OSBPL10: variants seen among roughly 807,000 people sequenced by gnomAD.
The protein encoded by OSBPL10 is oxysterol binding protein like 10.
Under a neutral mutation model 81.7 loss-of-function variants are expected in OSBPL10, and 49 were observed. The observed-to-expected ratio is 0.60, with a 90% CI of 0.48 to 0.76. The LOEUF is 0.76. Ranked by LOEUF, OSBPL10 falls within the 30% of genes least tolerant of loss-of-function variation. The probability of loss-of-function intolerance (pLI) is 0.00; values close to 1 mark genes in which losing one functional copy is unlikely to be tolerated. For synonymous variants in OSBPL10, 419 were observed against 383.6 expected (o/e 1.09, Z -1.08); for missense variants, 923 against 987.8 (o/e 0.93, Z 0.88).
At chr3:31,912,328 A>C (rs1696603871) in intron 1 of OSBPL10, among the ~76,000 whole-genome samples, 1 of 150,528 alleles carries the variant, frequency 6.6e-6, no homozygotes, top group East Asian at 2.0e-4. Flanking sequence ...CAGGAGGCAG[A>C]GGTTGCAGTG....
chr3:32,064,869 GT>G lies in OSBPL10; in HGVS notation n.185+12526del, dbSNP rs1159922976. 4 of 92,668 alleles carry G rather than the reference GT, an allele frequency of 4.3e-5. 1 individual carries two copies. Among genetic ancestry groups the G allele is most frequent in the South Asian group, 4.2e-4 (1 of 2,382 alleles). 5.7% of individuals were successfully genotyped at this position (92,668 alleles called of 1,614,324 possible). On this transcript the variant is annotated intron_variant and non_coding_transcript_variant, in intron 1 of 3. Transcript: ENST00000479173. ...TTCCTAGATACATGTGTGTTTTTTT[GT>G]TTTTTTCCCCCTTTCTCTTAGGCAT...
At chr3:31,723,616 A>AC (rs945479847) in intron 6 of OSBPL10, among the ~76,000 whole-genome samples, 1 of 152,008 alleles carries the variant, frequency 6.6e-6, no homozygotes, top group Non-Finnish European at 1.5e-5. Context: ...TACCAAAAAA[A>AC]ATTTTAAATT....
intron 1 of OSBPL10, among the ~76,000 whole-genome samples, chr3:32,071,096 C>T (rs1256703348): frequency 6.6e-6 from 1 of 152,198 alleles, no homozygotes; most frequent in Non-Finnish European, 1.5e-5. Context: ...TACCCTCCTG[C>T]TCCTTCAACA....
intron 4 of OSBPL10, among the ~76,000 whole-genome samples, chr3:31,775,434 G>A (rs141194196): frequency 9.2e-5 from 14 of 152,228 alleles, no homozygotes; most frequent in African/African-American, 3.4e-4. Flanking sequence ...GCCACCTGGA[G>A]AAACCTAGGA....
chr3:32,004,754 C>T (rs966001084), intron 2 of OSBPL10, among the ~76,000 whole-genome samples: 2 of 152,114 alleles, frequency 1.3e-5, no homozygotes, highest in East Asian at 3.9e-4. Flanking sequence ...CAGACACATG[C>T]GCAGTTATTT....
chr3:31,913,087 T>C (rs1326536005), intron 1 of OSBPL10, among the ~76,000 whole-genome samples: 3 of 152,174 alleles, frequency 2.0e-5, no homozygotes, highest in South Asian at 4.1e-4. Flanking sequence ...ATTTCTAAAA[T>C]GCCATTTGGG....
chr3:31,663,574 C>T lies in OSBPL10; in HGVS notation c.2250+505G>A, dbSNP rs182235076. 499 of 1,011,620 alleles carry T rather than the reference C, an allele frequency of 4.9e-4. 2 individuals carry two copies. The highest frequency in any genetic ancestry group is 5.4e-4 in the Non-Finnish European group (458 of 844,714). The allele number at this position is 1,011,620 out of a possible 1,614,324, so 62.7% of individuals were successfully genotyped here. On this transcript the variant is annotated intron_variant, in intron 11 of 11. Transcript: ENST00000396556. Reference sequence around the variant, plus strand: ...CAGGTGACAGCAACAGCATTTTAGGCACAGGACTCAGGCTGGCCTTCCCCT... The same window carrying T: ...CAGGTGACAGCAACAGCATTTTAGGTACAGGACTCAGGCTGGCCTTCCCCT...
intron 4 of OSBPL10, among the ~76,000 whole-genome samples, chr3:31,759,435 A>T (rs139876887): frequency 3.0e-4 from 46 of 152,274 alleles, no homozygotes; most frequent in African/African-American, 1.1e-3. Context: ...TTTTGTTTTA[A>T]TTAAAAATCT....
intron 1 of OSBPL10, among the ~76,000 whole-genome samples, chr3:31,973,764 A>G (rs149118787): frequency 1.6e-4 from 25 of 152,348 alleles, no homozygotes; most frequent in Admixed American, 5.2e-4. Flanking sequence ...GAAATGGTTC[A>G]GCCACTTTGG....
At chr3:32,067,515 C>T (rs912048787) in intron 1 of OSBPL10, among the ~76,000 whole-genome samples, 1 of 152,204 alleles carries the variant, frequency 6.6e-6, no homozygotes, top group African/African-American at 2.4e-5. Flanking sequence ...CTGTGACCTG[C>T]ACATATACAT....
Position 31,957,089 on chromosome 3 carries a change from T to A in OSBPL10, c.281+23810A>T, listed in dbSNP as rs1289409067. Among the ~76,000 whole-genome samples, 8 of 152,282 alleles carry A rather than the reference T, an allele frequency of 5.3e-5. No individual in the cohort carries two copies. In the East Asian group the frequency reaches 1.5e-3, roughly 29 times the overall value. On this transcript the variant is annotated intron_variant, in intron 1 of 11. Coordinates refer to ENST00000396556, the MANE Select transcript of OSBPL10 (RefSeq NM_017784.5). ...GGCAGAGGGTGCAGTGGGCCAAGAC[T>A]GTGCCACTGCACTCCAGCCTGGGCG... is the stretch of plus-strand genomic sequence containing the variant.
chr3:31,965,701 A>G (rs1698351767), intron 1 of OSBPL10, among the ~76,000 whole-genome samples: 1 of 68,256 alleles, frequency 1.5e-5, no homozygotes, highest in Non-Finnish European at 2.4e-5. Context: ...AATATATAAT[A>G]TATTATATAA....
intron 3 of OSBPL10, among the ~76,000 whole-genome samples, chr3:31,875,897 T>A (rs904409836): frequency 1.3e-5 from 2 of 152,178 alleles, no homozygotes; most frequent in African/African-American, 4.8e-5. Flanking sequence ...CAATAATCCA[T>A]GAAAATGCCC....
At chr3:31,783,673 C>A (rs970570125) in intron 4 of OSBPL10, among the ~76,000 whole-genome samples, 2 of 149,164 alleles carry the variant, frequency 1.3e-5, no homozygotes, top group African/African-American at 2.5e-5. Flanking sequence ...CACCTGTAAT[C>A]CCAGCTACTC....
intron 4 of OSBPL10, among the ~76,000 whole-genome samples, chr3:31,769,173 T>C (rs1448965752): frequency 3.3e-5 from 5 of 152,048 alleles, no homozygotes; most frequent in African/African-American, 1.2e-4. Flanking sequence ...CTGGGCACGG[T>C]GGCTCAAGCC....
intron 4 of OSBPL10, among the ~76,000 whole-genome samples, chr3:31,774,252 G>A (rs531358534): frequency 1.3e-5 from 2 of 152,170 alleles, no homozygotes; most frequent in African/African-American, 4.8e-5. Flanking sequence ...ATGACCTATT[G>A]TTAGAGGGAG....
rs1374902873 is a variant in OSBPL10, at chr3:32,049,040, GA to G, written n.186-2438del. On this transcript the variant is annotated intron_variant and non_coding_transcript_variant, in intron 1 of 3. Coordinates refer to the OSBPL10 transcript ENST00000479173. ...CGGAAGTTACCCTATATGGTCTAAA[GA>G]GGGAAGGACCCCTCAGTTCCAGGAA... Among the ~76,000 whole-genome samples, 3 of 152,170 alleles carry G rather than the reference GA, an allele frequency of 2.0e-5. No individual in the cohort carries two copies. The East Asian group carries it at 5.8e-4, about 29-fold the overall frequency.
chr3:31,948,563 ATAAC>A (rs1308537094), intron 1 of OSBPL10, among the ~76,000 whole-genome samples: 32 of 152,218 alleles, frequency 2.1e-4, no homozygotes, highest in African/African-American at 6.8e-4. Flanking sequence ...CCTCCGTCAT[ATAAC>A]TAACAACTTT....
intron 1 of OSBPL10, among the ~76,000 whole-genome samples, chr3:31,921,211 G>A (rs1195870215): frequency 2.0e-5 from 3 of 152,136 alleles, no homozygotes; most frequent in Non-Finnish European, 4.4e-5. Flanking sequence ...TAAAATATGT[G>A]TATATATACA....
Sources: gnomAD v4.1 joint callset for allele counts (sites outside exome capture counted in the v4.1 genomes callset) on GRCh38, gnomAD v4.1.1 for gene constraint, MANE v1.5 for transcripts, NCBI Gene and HGNC (gene_info 2026-07-23, HGNC 2026-07-21) for gene names.